NAV3: variants seen among roughly 807,000 people sequenced by gnomAD.
NAV3 encodes the protein neuron navigator 3, also known as pore membrane and/or filament interacting like protein 1.
In NAV3, 87 loss-of-function variants were observed where a neutral mutation model predicts 244.7. The observed-to-expected ratio is 0.36, with a 90% CI of 0.30 to 0.42. The LOEUF is 0.42. Ranked by LOEUF, NAV3 falls within the 20% of genes least tolerant of loss-of-function variation. The pLI, the probability that NAV3 is intolerant of heterozygous loss-of-function variation, is 1.00. For synonymous variants in NAV3, 1,126 were observed against 1,042.2 expected (o/e 1.08, Z -1.55); for missense variants, 2,663 against 2,893.3 (o/e 0.92, Z 1.83).
chr12:77,590,521 G>A (rs1869856693), intron 2 of NAV3, among the ~76,000 whole-genome samples: 1 of 152,134 alleles, frequency 6.6e-6, no homozygotes, highest in African/African-American at 2.4e-5. Context: ...GAGGGTGGAG[G>A]GTAGGAGGAG....
rs540853056 is a variant in NAV3 at position 78,051,152 on chromosome 12, G to A, written c.2516+5G>A. ...GACTGATGACATCAACAGTGGGTAA[G>A]TAACCCTGTTCTCCGTCAGCATTGT... On this transcript the variant is annotated splice_donor_5th_base_variant and intron_variant, in intron 11 of 39. Transcript: ENST00000397909. 8.8e-6 allele frequency: 14 copies of A among 1,596,976 alleles called. No homozygotes were observed. The South Asian group carries it at 1.6e-4, about 18-fold the overall frequency.
At chr12:77,962,044 T>C (rs1257935086) in intron 3 of NAV3, among the ~76,000 whole-genome samples, 4 of 152,126 alleles carry the variant, frequency 2.6e-5, no homozygotes, top group African/African-American at 9.7e-5. Context: ...CAGCTTTTGA[T>C]AGAGCTCATC....
intron 1 of NAV3, among the ~76,000 whole-genome samples, chr12:77,899,202 CAGTAT>C (rs1392794210): frequency 6.6e-6 from 1 of 152,206 alleles, no homozygotes; most frequent in Non-Finnish European, 1.5e-5. Flanking sequence ...AAAGGATTTA[CAGTAT>C]TATATAACTT....
At chr12:77,606,437 G>A (rs1023828497) in intron 2 of NAV3, among the ~76,000 whole-genome samples, 2 of 152,028 alleles carry the variant, frequency 1.3e-5, no homozygotes, top group African/African-American at 4.8e-5. Context: ...ATTATCCTCT[G>A]TTTATCCTTC....
intron 1 of NAV3, among the ~76,000 whole-genome samples, chr12:77,882,977 A>C (rs1282162369): frequency 6.6e-6 from 1 of 152,168 alleles, no homozygotes; most frequent in African/African-American, 2.4e-5. Flanking sequence ...ATGCTTATAC[A>C]CTGTTGGTAG....
chr12:77,704,981 TAGTA>T (rs1318851659), intron 2 of NAV3, among the ~76,000 whole-genome samples: 13 of 152,172 alleles, frequency 8.5e-5, no homozygotes, highest in African/African-American at 2.4e-4. Flanking sequence ...TTATAGGAAA[TAGTA>T]AGTCATTTTT....
At position 77,877,530 on chromosome 12, in the gene NAV3, G is replaced by A. The variant is rs192664413; in HGVS notation, c.243+45826G>A. Among the ~76,000 whole-genome samples, 743 of 152,174 alleles carry A rather than the reference G, an allele frequency of 4.9e-3. 13 individuals carry two copies. Among genetic ancestry groups the A allele is most frequent in the South Asian group, 0.031 (151 of 4,822 alleles). On this transcript the variant is annotated intron_variant, in intron 1 of 39. Coordinates refer to ENST00000397909, the MANE Select transcript of NAV3 (RefSeq NM_001024383.2). ...AGTAGGTTTATAGATATTTTTCTCAGAGCTTTGTTGGCAACACTTCTGGAG... is the reference window on the plus strand; with the variant it reads ...AGTAGGTTTATAGATATTTTTCTCAAAGCTTTGTTGGCAACACTTCTGGAG...
chr12:77,786,636 C>T (rs796815391), intron 2 of NAV3, among the ~76,000 whole-genome samples: 14 of 152,228 alleles, frequency 9.2e-5, no homozygotes, highest in African/African-American at 3.4e-4. Flanking sequence ...GAGCTGGACA[C>T]TTGAAAAAGG....
At chr12:77,983,841 G>A (rs774549369) in intron 5 of NAV3, among the ~76,000 whole-genome samples, 12 of 152,222 alleles carry the variant, frequency 7.9e-5, no homozygotes, top group South Asian at 2.1e-4. Flanking sequence ...GAAGTACTTC[G>A]TCTTCTGAGA....
chr12:78,200,895 C>T (rs1959600764), intron 38 of NAV3, among the ~76,000 whole-genome samples: 1 of 151,890 alleles, frequency 6.6e-6, no homozygotes, highest in Non-Finnish European at 1.5e-5. Flanking sequence ...AGTTCTACAT[C>T]TTATGACACA....
intron 5 of NAV3, among the ~76,000 whole-genome samples, chr12:77,992,282 G>A (rs1871578976): frequency 6.6e-6 from 1 of 152,144 alleles, no homozygotes; most frequent in Non-Finnish European, 1.5e-5. Flanking sequence ...AGGTATCGTG[G>A]GAAGTATTCA....
At chr12:77,809,887 T>A (rs538864512) in intron 2 of NAV3, among the ~76,000 whole-genome samples, 2 of 152,206 alleles carry the variant, frequency 1.3e-5, no homozygotes, top group Non-Finnish European at 2.9e-5. Context: ...ACATACTTGG[T>A]TAATATATCA....
intron 2 of NAV3, among the ~76,000 whole-genome samples, chr12:77,737,330 G>A (rs993758024): frequency 6.6e-6 from 1 of 150,854 alleles, no homozygotes; most frequent in African/African-American, 2.4e-5. Context: ...TAAAAAGGAG[G>A]GTGGCATGTA....
chr12:77,892,419 T>G (rs578139584), intron 1 of NAV3, among the ~76,000 whole-genome samples: 175 of 135,614 alleles, frequency 1.3e-3, no homozygotes, highest in Admixed American at 2.1e-3. Flanking sequence ...ACCATTTGAA[T>G]TTTTTTTTTT....
chr12:77,746,421 G>A (rs1868546164), intron 2 of NAV3, among the ~76,000 whole-genome samples: 1 of 152,046 alleles, frequency 6.6e-6, no homozygotes. Context: ...TTGTAAAAAT[G>A]GGTTTCCTGG....
intron 1 of NAV3, among the ~76,000 whole-genome samples, chr12:77,857,821 A>AC (rs1025999229): frequency 4.0e-5 from 6 of 151,576 alleles, no homozygotes; most frequent in Non-Finnish European, 7.4e-5. Context: ...TGAAAACTGA[A>AC]CCCCCCCAAA....
intron 1 of NAV3, among the ~76,000 whole-genome samples, chr12:77,895,942 T>A (rs78522504): frequency 0.086 from 11,176 of 130,230 alleles, 575 homozygotes; most frequent in Non-Finnish European, 0.13. Flanking sequence ...TGCCTTTTGA[T>A]CTCAATTTCC....
At chr12:77,901,888 C>T (rs754740708) in intron 1 of NAV3, among the ~76,000 whole-genome samples, 5 of 152,014 alleles carry the variant, frequency 3.3e-5, no homozygotes, top group Non-Finnish European at 5.9e-5. Flanking sequence ...CTCTGAGATG[C>T]CCCAGTACTG....
intron 8 of NAV3, among the ~76,000 whole-genome samples, chr12:78,020,028 C>T (rs1876883264): frequency 6.6e-6 from 1 of 152,086 alleles, no homozygotes; most frequent in South Asian, 2.1e-4. Flanking sequence ...ATAACCAATA[C>T]AATGAATATG....
Sources: allele counts gnomAD v4.1 joint callset (sites outside exome capture counted in the v4.1 genomes callset), GRCh38; gene constraint gnomAD v4.1.1; transcripts MANE v1.5; gene names NCBI Gene and HGNC (gene_info 2026-07-23, HGNC 2026-07-21).